STEAP1B: variants seen among roughly 807,000 people sequenced by gnomAD.
STEAP1B encodes STEAP family member 1B.
Under a neutral mutation model 27.9 loss-of-function variants are expected in STEAP1B, and 13 were observed. The observed-to-expected ratio is 0.47, with a 90% CI of 0.30 to 0.74. The LOEUF (loss-of-function observed/expected upper bound fraction) is 0.74. Ranked by LOEUF, STEAP1B falls within the 30% of genes least tolerant of loss-of-function variation. The probability of loss-of-function intolerance (pLI) is 0.06; values close to 1 mark genes in which losing one functional copy is unlikely to be tolerated. For synonymous variants in STEAP1B, 86 were observed against 107.1 expected (o/e 0.80, Z 1.22); for missense variants, 250 against 298.7 (o/e 0.84, Z 1.20).
chr7:22,492,319 C>CCAAAAAAAAAAAAAA (rs1786338716), intron 4 of STEAP1B: 1 of 54,398 alleles, frequency 1.8e-5, no homozygotes, highest in Non-Finnish European at 2.8e-5. Flanking sequence ...ACTTCATCTC[C>CCAAAAAAAAAAAAAA]AAAAAAAAAA....
At chr7:22,484,569 T>G in intron 4 of STEAP1B, among the ~76,000 whole-genome samples, 1 of 152,210 alleles carries the variant, frequency 6.6e-6, no homozygotes. Flanking sequence ...GAATGTTTTG[T>G]TTTGTTTTGT....
At chr7:22,462,284 G>T (rs1188839994) in intron 4 of STEAP1B, among the ~76,000 whole-genome samples, 5 of 150,306 alleles carry the variant, frequency 3.3e-5, no homozygotes, top group African/African-American at 1.2e-4. Context: ...ACAATGTGCA[G>T]GTTAGTTACA....
chr7:22,456,299 A>C (rs1239354925), intron 4 of STEAP1B, among the ~76,000 whole-genome samples: 1 of 152,246 alleles, frequency 6.6e-6, no homozygotes, highest in African/African-American at 2.4e-5. Flanking sequence ...TGTCTTCCTC[A>C]GTTTCCAAGG....
At chr7:22,452,426 C>G (rs3114716) in intron 4 of STEAP1B, among the ~76,000 whole-genome samples, 57 of 151,550 alleles carry the variant, frequency 3.8e-4, no homozygotes, top group Non-Finnish European at 6.2e-4. Flanking sequence ...CAATCCCCCC[C>G]CTCCCCGCGC....
chr7:22,429,117 A>C (rs1288351924), intron 4 of STEAP1B, among the ~76,000 whole-genome samples: 1 of 152,204 alleles, frequency 6.6e-6, no homozygotes, highest in Admixed American at 6.5e-5. Context: ...TAAACAACTC[A>C]TCATTATCCA....
At chr7:22,478,191 CCG>C (rs1256464516) in intron 4 of STEAP1B, among the ~76,000 whole-genome samples, 1 of 152,180 alleles carries the variant, frequency 6.6e-6, no homozygotes, top group Non-Finnish European at 1.5e-5. Flanking sequence ...TAGATAACTG[CCG>C]CTCTTCTCAA....
chr7:22,426,180 C>T (rs546768513), intron 4 of STEAP1B, among the ~76,000 whole-genome samples: 11 of 107,232 alleles, frequency 1.0e-4, no homozygotes, highest in African/African-American at 3.5e-4. Context: ...CTTTTGTCTC[C>T]TGGGCACTGC....
chr7:22,456,735 TAGAG>T (rs1449772622), intron 4 of STEAP1B, among the ~76,000 whole-genome samples: 1 of 151,030 alleles, frequency 6.6e-6, no homozygotes, highest in Non-Finnish European at 1.5e-5. Context: ...TGAAAACTGA[TAGAG>T]AGGAAGAAAA....
At chr7:22,466,595 A>G (rs553551235) in intron 4 of STEAP1B, among the ~76,000 whole-genome samples, 1 of 152,246 alleles carries the variant, frequency 6.6e-6, no homozygotes, top group East Asian at 1.9e-4. Context: ...GAGAAAGTAA[A>G]TTTCTGTTAA....
At chr7:22,498,872 G>A (rs1786487112) in intron 1 of STEAP1B, among the ~76,000 whole-genome samples, 1 of 152,154 alleles carries the variant, frequency 6.6e-6, no homozygotes, top group Non-Finnish European at 1.5e-5. Context: ...TTGTCTGCAT[G>A]GTAAGGAGAC....
chr7:22,435,211 T>A (rs189467645), intron 4 of STEAP1B, among the ~76,000 whole-genome samples: 94 of 151,936 alleles, frequency 6.2e-4, no homozygotes, highest in Non-Finnish European at 1.1e-3. Context: ...CAAGAAAGAA[T>A]CACCTGCCTG....
At chr7:22,484,045 G>C (rs935788029) in intron 4 of STEAP1B, among the ~76,000 whole-genome samples, 1 of 152,222 alleles carries the variant, frequency 6.6e-6, no homozygotes, top group Non-Finnish European at 1.5e-5. Flanking sequence ...TACCAGGTTG[G>C]TTCATGAGGT....
Position 22,455,208 on chromosome 7 carries a change from T to A in STEAP1B, c.763-35372A>T, listed in dbSNP as rs531844323. 1.4e-3 allele frequency among the ~76,000 whole-genome samples: 220 copies of A among 152,276 alleles called. 2 individuals are homozygous for A. The highest frequency in any genetic ancestry group is 2.6e-3 in the Non-Finnish European group (179 of 68,010). ...CACAGAGCAGTCAGAAAGGGTCAAG[T>A]CATTGTTGAGAGACCATAAATCAGG... On this transcript the variant is annotated intron_variant, in intron 4 of 4. Coordinates refer to ENST00000678116, the MANE Select transcript of STEAP1B (RefSeq NM_001382447.1).
At chr7:22,421,374 T>G (rs2128397725) in intron 4 of STEAP1B, among the ~76,000 whole-genome samples, 1 of 152,372 alleles carries the variant, frequency 6.6e-6, no homozygotes, top group African/African-American at 2.4e-5. Flanking sequence ...GTGTTTCAAC[T>G]TTGCTATGTC....
intron 4 of STEAP1B, among the ~76,000 whole-genome samples, chr7:22,488,815 C>T (rs907671740): frequency 6.6e-6 from 1 of 152,158 alleles, no homozygotes; most frequent in Admixed American, 6.5e-5. Context: ...TCATGCAGCC[C>T]TCAGTTTTCT....
At chr7:22,445,353 T>A (rs542009326) in intron 4 of STEAP1B, among the ~76,000 whole-genome samples, 1 of 152,380 alleles carries the variant, frequency 6.6e-6, no homozygotes, top group African/African-American at 2.4e-5. Context: ...TCAAGGGGAC[T>A]GACATCTGCA....
intron 4 of STEAP1B, among the ~76,000 whole-genome samples, chr7:22,451,397 T>C (rs1032423552): frequency 2.2e-4 from 33 of 152,178 alleles, no homozygotes; most frequent in African/African-American, 8.0e-4. Context: ...TGGATGCCCT[T>C]TCTTTATCCG....
chr7:22,450,918 G>A (rs940418203), intron 4 of STEAP1B, among the ~76,000 whole-genome samples: 1 of 151,992 alleles, frequency 6.6e-6, no homozygotes, highest in South Asian at 2.1e-4. Context: ...ATGGGGGCCC[G>A]GCACAGTGGC....
chr7:22,464,319 C>G (rs895149713), intron 4 of STEAP1B, among the ~76,000 whole-genome samples: 2 of 152,188 alleles, frequency 1.3e-5, no homozygotes, highest in African/African-American at 2.4e-5. Context: ...ACCTCTCCCC[C>G]ACTCTGTCCC....
Sources: gnomAD v4.1 joint callset for allele counts (sites outside exome capture counted in the v4.1 genomes callset) on GRCh38, gnomAD v4.1.1 for gene constraint, MANE v1.5 for transcripts, NCBI Gene and HGNC (gene_info 2026-07-23, HGNC 2026-07-21) for gene names.